Variants in MYO18B observed in about 807,000 individuals in gnomAD.
MYO18B encodes myosin XVIIIB.
MYO18B carries 204 observed loss-of-function variants against 273.0 expected under a neutral mutation model. The observed-to-expected ratio is 0.75, with a 90% CI of 0.67 to 0.84. The LOEUF (loss-of-function observed/expected upper bound fraction) is 0.84, where lower values mean the gene tolerates loss of function less well. Among genes scored for constraint, MYO18B ranks in the 40% least tolerant of loss-of-function variants. MYO18B has a pLI of 0.00. For missense variants in MYO18B, 3,212 were observed against 3,287.6 expected, an observed-to-expected ratio of 0.98 and a Z score of 0.56; for synonymous variants, 1,330 against 1,305.7, an observed-to-expected ratio of 1.02 and a Z score of -0.40.
chr22:25,767,637 A>G (rs779448156), intron 3 of MYO18B, among the ~76,000 whole-genome samples: 7 of 152,166 alleles, frequency 4.6e-5, no homozygotes, highest in Non-Finnish European at 8.8e-5. Flanking sequence ...CCTTTCCTGG[A>G]TCCCCTACTC....
chr22:26,059,397 A>T, the MYO18B span, among the ~76,000 whole-genome samples: 1 of 152,216 alleles, frequency 6.6e-6, no homozygotes, highest in African/African-American at 2.4e-5. Context: ...CCAGGGTGGG[A>T]AAAGAGGAAT....
At chr22:25,776,933 G>T (rs756665840) in intron 7 of MYO18B, among the ~76,000 whole-genome samples, 5 of 152,050 alleles carry the variant, frequency 3.3e-5, no homozygotes, top group Non-Finnish European at 7.4e-5. Flanking sequence ...ACCAAAACTT[G>T]GTAGTGACTG....
chr22:25,923,145 C>T (rs1006208), intron 34 of MYO18B, among the ~76,000 whole-genome samples: 57,774 of 152,086 alleles, frequency 0.38, 12,602 homozygotes, highest in East Asian at 0.51. Flanking sequence ...ATGAATAGAG[C>T]GAGTTTATGT....
At chr22:25,857,718 A>C (rs926733173) in intron 21 of MYO18B, among the ~76,000 whole-genome samples, 1 of 152,172 alleles carries the variant, frequency 6.6e-6, no homozygotes, top group African/African-American at 2.4e-5. Flanking sequence ...CAGTGGTGCT[A>C]TCTCGGCTCA....
chr22:25,912,862 A>G (rs1010747892), intron 33 of MYO18B, among the ~76,000 whole-genome samples: 5 of 152,212 alleles, frequency 3.3e-5, no homozygotes, highest in Non-Finnish European at 5.9e-5. Flanking sequence ...CTTCAGCCAC[A>G]TGCAGCAATA....
rs185404004 is a variant in MYO18B, at chr22:25,794,853, T to C, written c.2377-3100T>C. On this transcript the variant is annotated intron_variant, in intron 11 of 43. Coordinates refer to ENST00000335473, the MANE Select transcript of MYO18B (RefSeq NM_032608.7). ...TCAGCAACTATCTGCCAGATCAAGA[T>C]ACAGAACATTCCTCCTTCCATGAAA... Among the ~76,000 whole-genome samples, 27 of 152,316 alleles carry C rather than the reference T, an allele frequency of 1.8e-4. 2 individuals carry two copies. The highest frequency in any genetic ancestry group is 1.5e-3 in the East Asian group (8 of 5,182).
At chr22:25,853,873 A>G (rs569028419) in intron 21 of MYO18B, among the ~76,000 whole-genome samples, 2 of 152,302 alleles carry the variant, frequency 1.3e-5, no homozygotes, top group South Asian at 4.1e-4. Context: ...TTGCTGCAGC[A>G]TAGAATTTTG....
At position 25,768,840 on chromosome 22, in the gene MYO18B, CG is replaced by C; in HGVS notation, c.925del (p.Val309Ter). Reference protein sequence around the residue: ...SKDVGSEGKHVRPQIPGRKWG... With the variant: ...SKDVGSEGKHXRPQIPGRKWG... ...AGGACGTAGGGAGTGAAGGGAAGCA[CG>C]TAAGGCCCCAAATCCCTGGGAGAAA... is the stretch of plus-strand genomic sequence containing the variant. On this transcript the variant is annotated frameshift_variant, in exon 4 of 44. Coordinates refer to ENST00000335473, the MANE Select transcript of MYO18B (RefSeq NM_032608.7). LOFTEE classifies it high-confidence loss of function. The C allele has an allele frequency of 1.6e-5, 25 of 1,612,132 alleles. No individual in the cohort carries two copies. Among genetic ancestry groups the C allele is most frequent in the Non-Finnish European group, 2.1e-5 (25 of 1,179,148 alleles).
chr22:25,752,354 A>AT (rs1344262072), intron 1 of MYO18B, among the ~76,000 whole-genome samples: 7 of 150,160 alleles, frequency 4.7e-5, no homozygotes, highest in Non-Finnish European at 8.9e-5. Context: ...CGCCCGGCTA[A>AT]TTTTTTGTAT....
At position 25,986,821 on chromosome 22, in the gene MYO18B, C is replaced by T. The variant is rs561187975; in HGVS notation, c.6157-5542C>T. Among the ~76,000 whole-genome samples, 18 of 152,256 alleles carry T rather than the reference C, an allele frequency of 1.2e-4. No homozygotes were observed. In the South Asian group the frequency reaches 3.7e-3, roughly 32 times the overall value. ...ACGTCCTTAATATTTGTTAGGTATG[C>T]TATGTGCCAGATGCTGGAAATATTT... On this transcript the variant is annotated intron_variant, in intron 39 of 43. Coordinates refer to ENST00000335473, the MANE Select transcript of MYO18B (RefSeq NM_032608.7).
chr22:25,862,172 C>T (rs1168527154), intron 21 of MYO18B, among the ~76,000 whole-genome samples: 1 of 152,130 alleles, frequency 6.6e-6, no homozygotes, highest in Non-Finnish European at 1.5e-5. Context: ...TTTGTAAATA[C>T]TGTGCCATTT....
intron 1 of MYO18B, among the ~76,000 whole-genome samples, chr22:25,746,278 A>T (rs1352814767): frequency 6.6e-6 from 1 of 152,178 alleles, no homozygotes; most frequent in African/African-American, 2.4e-5. Flanking sequence ...TTTTCTGCCA[A>T]CAGTGGATGA....
At chr22:25,802,152 C>A (rs139730491) in intron 12 of MYO18B, among the ~76,000 whole-genome samples, 1 of 152,206 alleles carries the variant, frequency 6.6e-6, no homozygotes, top group Non-Finnish European at 1.5e-5. Context: ...GTTCTCATGA[C>A]CCCCTTCTCT....
chr22:25,901,656 G>A (rs562816993), intron 29 of MYO18B: 2 of 152,196 alleles, frequency 1.3e-5, no homozygotes, highest in East Asian at 3.9e-4. Flanking sequence ...CAGACAATAT[G>A]TTAAAATATG....
chr22:25,859,540 A>T (rs1044525644), intron 21 of MYO18B, among the ~76,000 whole-genome samples: 9 of 152,056 alleles, frequency 5.9e-5, no homozygotes, highest in Non-Finnish European at 1.3e-4. Context: ...CAATACTTGG[A>T]ATTGTTTGCC....
Position 25,851,597 on chromosome 22 carries a change from G to C in MYO18B, c.3885+18G>C, listed in dbSNP as rs371221935. On this transcript the variant is annotated intron_variant, in intron 21 of 43. Transcript: ENST00000335473. ...AAAGGAAGGTAGGTGGAGCACATGC[G>C]AGAGGGGTGAAGGCCCTAGATATGG... The C allele has an allele frequency of 2.8e-5, 42 of 1,507,954 alleles. No homozygotes were observed. In the African/African-American group the frequency reaches 5.7e-4, roughly 20 times the overall value. The allele number at this position is 1,507,954 out of a possible 1,614,324, so 93.4% of individuals were successfully genotyped here.
chr22:25,847,044 C>A (rs1020554944), intron 19 of MYO18B, among the ~76,000 whole-genome samples: 1 of 150,502 alleles, frequency 6.6e-6, no homozygotes, highest in African/African-American at 2.5e-5. Context: ...CGTGCCACTG[C>A]ACTCCAGCCT....
chr22:25,897,574 AC>A (rs1435667898), intron 28 of MYO18B: 1 of 152,128 alleles, frequency 6.6e-6, no homozygotes, highest in East Asian at 1.9e-4. Context: ...TAAAACAGCA[AC>A]CTTTTCTGAG....
chr22:25,998,420 TG>T (rs1348338909), intron 40 of MYO18B, among the ~76,000 whole-genome samples: 3 of 152,178 alleles, frequency 2.0e-5, no homozygotes, highest in Non-Finnish European at 4.4e-5. Context: ...CTCTTGCTCT[TG>T]GGTCGGCTGA....
Sources: allele counts gnomAD v4.1 joint callset (sites outside exome capture counted in the v4.1 genomes callset), GRCh38; gene constraint gnomAD v4.1.1; transcripts MANE v1.5; gene names NCBI Gene and HGNC (gene_info 2026-07-23, HGNC 2026-07-21).